CARD10: variants seen among roughly 807,000 people sequenced by gnomAD.
CARD10 encodes caspase recruitment domain family member 10.
In CARD10, 49 loss-of-function variants were observed where a neutral mutation model predicts 114.6. The ratio of observed to expected loss-of-function variants is 0.43; its 90% CI spans 0.34 to 0.54. The LOEUF (loss-of-function observed/expected upper bound fraction) is 0.54. CARD10 is among the 20% of genes least tolerant of loss of function. The pLI is 0.03. For synonymous variants in CARD10, 602 were observed against 593.2 expected (o/e 1.01, Z -0.21); for missense variants, 1,206 against 1,397.2 (o/e 0.86, Z 2.18).
At chr22:37,508,979 C>T in intron 4 of CARD10, 31 of 1,547,744 alleles carry the variant, frequency 2.0e-5, no homozygotes, top group Middle Eastern at 1.7e-4. Context: ...AAGCACCAGG[C>T]ACACACTCGT....
chr22:37,500,841 G>T (rs550489561), intron 11 of CARD10, among the ~76,000 whole-genome samples: 2 of 152,066 alleles, frequency 1.3e-5, no homozygotes, highest in Non-Finnish European at 2.9e-5. Context: ...ATAACTAACC[G>T]CGAGCATATG....
At chr22:37,504,571 C>T in intron 8 of CARD10, 64 bp downstream of exon 8, 2 of 1,458,958 alleles carry the variant, frequency 1.4e-6, no homozygotes, top group Non-Finnish European at 1.8e-6. Flanking sequence ...AGAAAGCACT[C>T]TCCACATTAG....
In CARD10 at chr22:37,491,122, G is replaced by A. The variant is rs371369047; in HGVS notation, c.*37C>T. ...CTTCACCATAGACACCAGGGTCCAC[G>A]CTGGCTTGGGGAGAAGGTGCAGGTA... On this transcript the variant is annotated 3_prime_UTR_variant, in exon 20 of 20. Coordinates refer to ENST00000251973, the MANE Select transcript of CARD10 (RefSeq NM_014550.4). 58 of 1,492,444 alleles carry A rather than the reference G, an allele frequency of 3.9e-5. No homozygotes were observed. The African/African-American group carries it at 4.7e-4, about 12-fold the overall frequency. 92.5% of individuals were successfully genotyped at this position (1,492,444 alleles called of 1,614,324 possible). A position where few individuals can be genotyped will look rare whatever the true frequency, so the allele number is the denominator to read the frequency against.
intron 3 of CARD10, among the ~76,000 whole-genome samples, chr22:37,515,711 C>T (rs1054533950): frequency 6.6e-6 from 1 of 152,202 alleles, no homozygotes. Context: ...CTGGCCTCTA[C>T]ACACCAGATG....
chr22:37,492,202 C>T lies in CARD10; in HGVS notation c.2751+233G>A, dbSNP rs1039697119. On this transcript the variant is annotated intron_variant, in intron 18 of 19. Coordinates refer to ENST00000251973, the MANE Select transcript of CARD10 (RefSeq NM_014550.4). The surrounding 1 kb of genome is among the most constrained non-coding windows in gnomAD (Gnocchi z 5.7). ...TCAAGGATAAGGATGTGTAGGTGAGCTGTGTCAGCCAAACACCTCAAGGGG... is the reference window on the plus strand; with the variant it reads ...TCAAGGATAAGGATGTGTAGGTGAGTTGTGTCAGCCAAACACCTCAAGGGG... Among the ~76,000 whole-genome samples the T allele has an allele frequency of 3.9e-5, 6 of 152,092 alleles. No individual in the cohort carries two copies. The highest frequency in any genetic ancestry group is 8.8e-5 in the Non-Finnish European group (6 of 68,000).
Position 37,490,668 on chromosome 22 carries a change from C to A in CARD10, c.*491G>T, listed in dbSNP as rs1395081583. On this transcript the variant is annotated 3_prime_UTR_variant, in exon 20 of 20. Coordinates refer to ENST00000251973, the MANE Select transcript of CARD10 (RefSeq NM_014550.4). ...ACCATGGGCCAGGGAACACCCCAGTCCATGCATGGCTGAATCCACGAGGAG... is the reference window on the plus strand; with the variant it reads ...ACCATGGGCCAGGGAACACCCCAGTACATGCATGGCTGAATCCACGAGGAG... The A allele has an allele frequency of 6.4e-6, 1 of 156,230 alleles. No individual in the cohort carries two copies. The highest frequency in any genetic ancestry group is 1.4e-5 in the Non-Finnish European group (1 of 70,756). 9.7% of individuals were successfully genotyped at this position (156,230 alleles called of 1,614,324 possible).
At chr22:37,508,977 G>GGC in intron 4 of CARD10, 1 of 1,547,662 alleles carries the variant, frequency 6.5e-7, no homozygotes, top group East Asian at 2.4e-5. Flanking sequence ...ACAAGCACCA[G>GGC]GCACACACTC....
Position 37,492,484 on chromosome 22 carries a change from G to T in CARD10, c.2702C>A (p.Thr901Asn). The change falls in exon 18 of 20, where the codon ACC (threonine) becomes AAC (asparagine). Residue 901 changes from threonine (T) to asparagine (N), a missense_variant. By Grantham distance (65) the Thr-to-Asn change is moderately conservative. This residue lies in a region of CARD10 where 1,068 missense variants were observed against 1,179.1 expected (regional missense o/e 0.91). Transcript: ENST00000251973. The surrounding 1 kb of genome is among the most constrained non-coding windows in gnomAD (Gnocchi z 5.7). ...APGAPKAQPATPGLGSRIRAI... is the reference protein window; with the variant it reads ...APGAPKAQPANPGLGSRIRAI... ...CCGGATCCTGCTGCCTAGCCCAGGG[G>T]TGGCAGGCTGAGCCTTGGGGGCTCC... is the stretch of plus-strand genomic sequence containing the variant. 6.2e-7 allele frequency: 1 copy of T among 1,602,884 alleles called. No homozygotes were observed. Among genetic ancestry groups the T allele is most frequent in the African/African-American group, 1.3e-5 (1 of 74,844 alleles).
rs1430108736 is a variant in CARD10 at position 37,519,372 on chromosome 22, G to C, written c.-172C>G. 1 of 1,222,120 alleles carries C rather than the reference G, an allele frequency of 8.2e-7. No homozygotes were observed. Among genetic ancestry groups the C allele is most frequent in the East Asian group, 3.3e-5 (1 of 30,764 alleles). The allele number at this position is 1,222,120 out of a possible 1,614,324, so 75.7% of individuals were successfully genotyped here. A position where few individuals can be genotyped will look rare whatever the true frequency, so the allele number is the denominator to read the frequency against. ...CACGCTACAGTCGCCTCGGGCTCCCGGGTCCGCACTCGGGCGGCGGCTCCG... is the reference window on the plus strand; with the variant it reads ...CACGCTACAGTCGCCTCGGGCTCCCCGGTCCGCACTCGGGCGGCGGCTCCG... On this transcript the variant is annotated 5_prime_UTR_variant, in exon 1 of 20. Transcript: ENST00000251973. The surrounding 1 kb of genome is among the most constrained non-coding windows in gnomAD (Gnocchi z 4.1).
chr22:37,492,710 G>A lies in CARD10; in HGVS notation c.2569C>T (p.Pro857Ser), dbSNP rs1162555874. The A allele has an allele frequency of 6.2e-7, 1 of 1,613,100 alleles. No homozygotes were observed. Among genetic ancestry groups the A allele is most frequent in the Non-Finnish European group, 8.5e-7 (1 of 1,179,922 alleles). Residue 857 changes from proline to serine, a missense_variant, in exon 17 of 20, where the codon CCC becomes TCC. Coordinates refer to ENST00000251973, the MANE Select transcript of CARD10 (RefSeq NM_014550.4). The surrounding 1 kb of genome is among the most constrained non-coding windows in gnomAD (Gnocchi z 5.7). ...TCTAGCAGGTTACGGATGAGCCGGG[G>A]CGCCAGGCACTCAGGCAACAGCACC... ...PVVLLPECLA[P>S]RLIRNLLDLP... is the part of the protein sequence containing the mutation.
At position 37,497,095 on chromosome 22, in the gene CARD10, T is replaced by C. The variant is rs960133696; in HGVS notation, c.1871A>G (p.Tyr624Cys). 1 of 1,614,208 alleles carries C rather than the reference T, an allele frequency of 6.2e-7. No individual in the cohort carries two copies. Among genetic ancestry groups the C allele is most frequent in the Non-Finnish European group, 8.5e-7 (1 of 1,180,038 alleles). ...QDKGPDGLSF[Y>C]GDRWSGAVVR... is the part of the protein sequence containing the mutation. ...CACAGCCCCAGACCATCTGTCCCCA[T>C]AAAACGACAGTCCATCTGGTCCCTT... Residue 624 changes from tyrosine to cysteine, a missense_variant, in exon 12 of 20, where the codon TAT (tyrosine) becomes TGT (cysteine). Physicochemically the swap from Tyr to Cys is radical, Grantham distance 194. Around this residue, in one of 2 missense-constraint regions of CARD10, gnomAD observed 1,068 missense variants for 1,179.1 expected, o/e 0.91. Coordinates refer to ENST00000251973, the MANE Select transcript of CARD10 (RefSeq NM_014550.4).
At chr22:37,510,076 A>T in intron 4 of CARD10, 136 bp downstream of exon 4, 1 of 545,532 alleles carries the variant, frequency 1.8e-6, no homozygotes, top group Non-Finnish European at 3.0e-6. Flanking sequence ...GCCTGTGCCC[A>T]GAAGCCCTGG....
Position 37,514,754 on chromosome 22 carries a change from C to T in CARD10, c.699+1219G>A, listed in dbSNP as rs139550889. 37 of 152,482 alleles carry T rather than the reference C, an allele frequency of 2.4e-4. No individual in the cohort carries two copies. The East Asian group carries it at 6.7e-3, about 28-fold the overall frequency. The allele number at this position is 152,482 out of a possible 1,614,324, so 9.4% of individuals were successfully genotyped here. ...ACGGTCAGAACCCACTGTGCAGCCT[C>T]GAGCAACATGGCTGGAGAGAGCCTC... On this transcript the variant is annotated intron_variant, in intron 3 of 19. Coordinates refer to ENST00000251973, the MANE Select transcript of CARD10 (RefSeq NM_014550.4).
intron 15 of CARD10, 141 bp downstream of exon 15, chr22:37,495,376 C>T: frequency 1.5e-6 from 1 of 668,642 alleles, no homozygotes; most frequent in Non-Finnish European, 2.6e-6. Context: ...GTTTGCTGGG[C>T]ACATAGTAGA....
Position 37,492,584 on chromosome 22 carries a change from T to C in CARD10, c.2636-34A>G. 6.2e-7 allele frequency: 1 copy of C among 1,604,564 alleles called. No homozygotes were observed. The highest frequency in any genetic ancestry group is 8.5e-7 in the Non-Finnish European group (1 of 1,174,526). ...GGAGTGGAGAGGGAGAGATGAAGGA[T>C]CCATGGGCCCGGCTGCCCAGAGGGG... On this transcript the variant is annotated intron_variant, in intron 17 of 19. Coordinates refer to ENST00000251973, the MANE Select transcript of CARD10 (RefSeq NM_014550.4). This position sits in a 1 kb window ranked among gnomAD's most constrained non-coding sequence, Gnocchi z 5.7.
Position 37,496,148 on chromosome 22 carries a change from G to T in CARD10, c.2060-145C>A. 1 of 1,087,116 alleles carries T rather than the reference G, an allele frequency of 9.2e-7. No individual in the cohort carries two copies. Among genetic ancestry groups the T allele is most frequent in the Non-Finnish European group, 1.3e-6 (1 of 774,018 alleles). The allele number at this position is 1,087,116 out of a possible 1,614,324, so 67.3% of individuals were successfully genotyped here. A position where few individuals can be genotyped will look rare whatever the true frequency, so the allele number is the denominator to read the frequency against. Reference sequence around the variant, plus strand: ...CCTTCACCTTCTTAGAATGACTTAGGTCCAGAGGGGGCAGGGACTTGCCCA... The same window carrying T: ...CCTTCACCTTCTTAGAATGACTTAGTTCCAGAGGGGGCAGGGACTTGCCCA... On this transcript the variant is annotated intron_variant, in intron 13 of 19. Transcript: ENST00000251973. This position sits in a 1 kb window ranked among gnomAD's most constrained non-coding sequence, Gnocchi z 4.1.
At position 37,519,036 on chromosome 22, in the gene CARD10, C is replaced by T. The variant is rs1923939248; in HGVS notation, c.165G>A (p.Arg55=). 1.3e-6 allele frequency: 2 copies of T among 1,595,482 alleles called. No individual in the cohort carries two copies. Among genetic ancestry groups the T allele is most frequent in the Admixed American group, 1.7e-5 (1 of 59,612 alleles). ...AKLTPYLRQC[R]VIDEQDEEEV... ...CCTCCTCGTCCTGCTCGTCGATGAC[C>T]CGGCACTGGCGCAGATACGGCGTGA... Residue 55 remains arginine, a synonymous_variant, in exon 1 of 20, where the codon CGG becomes CGA. Transcript: ENST00000251973. The surrounding 1 kb of genome is among the most constrained non-coding windows in gnomAD (Gnocchi z 4.1).
In CARD10 at chr22:37,519,157, C is replaced by T. The variant is rs773866302; in HGVS notation, c.44G>A (p.Gly15Glu). 7 of 1,540,848 alleles carry T rather than the reference C, an allele frequency of 4.5e-6. No individual in the cohort carries two copies. The highest frequency in any genetic ancestry group is 6.1e-6 in the Non-Finnish European group (7 of 1,149,492). ...AEAGEAEEEA[G>E]AGSGSEAEED... ...CTCCGCCTCAGACCCCGAGCCGGCC[C>T]CGGCCTCCTCCTCGGCCTCCCCCGC... The change falls in exon 1 of 20, where the codon GGG becomes GAG. Residue 15 changes from glycine to glutamate, a missense_variant. Around this residue, in one of 2 missense-constraint regions of CARD10, gnomAD observed 138 missense variants for 218.0 expected, o/e 0.63. Coordinates refer to ENST00000251973, the MANE Select transcript of CARD10 (RefSeq NM_014550.4). This position sits in a 1 kb window ranked among gnomAD's most constrained non-coding sequence, Gnocchi z 4.1.
chr22:37,495,939 G>A lies in CARD10; in HGVS notation c.2124C>T (p.Tyr708=), dbSNP rs750379046. Reference sequence around the variant, plus strand: ...CAGGCAAGGTGAGGTTGGCACGAATGTAGAAGGGCTCGGCACCTGGTCCCT... The same window carrying A: ...CAGGCAAGGTGAGGTTGGCACGAATATAGAAGGGCTCGGCACCTGGTCCCT... ...WAKGPGAEPF[Y]IRANLTLPER... Residue 708 remains tyrosine (Y), a synonymous_variant, in exon 14 of 20, where the codon TAC becomes TAT. Coordinates refer to ENST00000251973, the MANE Select transcript of CARD10 (RefSeq NM_014550.4). 1.9e-6 allele frequency: 3 copies of A among 1,614,190 alleles called. No individual in the cohort carries two copies. Among genetic ancestry groups the A allele is most frequent in the South Asian group, 1.1e-5 (1 of 91,090 alleles).
Sources: allele counts gnomAD v4.1 joint callset (sites outside exome capture counted in the v4.1 genomes callset), GRCh38; gene constraint gnomAD v4.1.1; regional missense constraint gnomAD v4.1.1; non-coding constraint Gnocchi (gnomAD v3.1); transcripts MANE v1.5; gene names NCBI Gene and HGNC (gene_info 2026-07-23, HGNC 2026-07-21).